NR2F1-AS1: variants seen among roughly 807,000 people sequenced by gnomAD.
NR2F1-AS1 encodes the protein NR2F1 regulatory antisense RNA 1, also known as NR2F1 antisense RNA 1.
chr5:93,516,183 C>A (rs1336785885), intron 4 of NR2F1-AS1, among the ~76,000 whole-genome samples: 1 of 151,866 alleles, frequency 6.6e-6, no homozygotes, highest in East Asian at 1.9e-4. Context: ...CACACAAACA[C>A]ACTTACAGAG....
At position 93,534,667 on chromosome 5, in the gene NR2F1-AS1, G is replaced by A. The variant is rs7703672; in HGVS notation, n.638+19094C>T. On this transcript the variant is annotated intron_variant and non_coding_transcript_variant, in intron 4 of 5. Transcript: ENST00000660523. ...AAAAAAGAGGTAGGAAGGCCTATACGGAAGGCCTATACCCAAAGGATTATC... is the reference window on the plus strand; with the variant it reads ...AAAAAAGAGGTAGGAAGGCCTATACAGAAGGCCTATACCCAAAGGATTATC... Among the ~76,000 whole-genome samples, 364 of 152,156 alleles carry A rather than the reference G, an allele frequency of 2.4e-3. 1 individual carries two copies. Among genetic ancestry groups the A allele is most frequent in the African/African-American group, 8.3e-3 (344 of 41,508 alleles).
At chr5:93,530,580 C>T (rs1212616663) in intron 4 of NR2F1-AS1, among the ~76,000 whole-genome samples, 1 of 152,136 alleles carries the variant, frequency 6.6e-6, no homozygotes, top group Non-Finnish European at 1.5e-5. Flanking sequence ...AGTTGAGTGG[C>T]AAAGAGAAAC....
At chr5:93,499,977 C>T (rs1487681183) in intron 4 of NR2F1-AS1, among the ~76,000 whole-genome samples, 2 of 151,958 alleles carry the variant, frequency 1.3e-5, no homozygotes, top group African/African-American at 2.4e-5. Flanking sequence ...GAAGAAGCTG[C>T]GAAAGAAAGA....
chr5:93,456,602 A>C (rs1223103727), intron 4 of NR2F1-AS1, among the ~76,000 whole-genome samples: 1 of 152,164 alleles, frequency 6.6e-6, no homozygotes, highest in Non-Finnish European at 1.5e-5. Context: ...TTATTCTAAA[A>C]TTTAAATGAA....
At chr5:93,506,259 T>C (rs1004102132) in intron 4 of NR2F1-AS1, among the ~76,000 whole-genome samples, 2 of 152,172 alleles carry the variant, frequency 1.3e-5, no homozygotes, top group African/African-American at 2.4e-5. Flanking sequence ...GACCTTATTG[T>C]TCATATCACT....
intron 4 of NR2F1-AS1, among the ~76,000 whole-genome samples, chr5:93,455,899 T>C (rs1461559573): frequency 6.6e-6 from 1 of 150,574 alleles, no homozygotes; most frequent in Admixed American, 6.6e-5. Context: ...TCTGACAAAA[T>C]CCAACACCTA....
At chr5:93,439,004 G>A (rs1198006678) in intron 4 of NR2F1-AS1, among the ~76,000 whole-genome samples, 1 of 152,220 alleles carries the variant, frequency 6.6e-6, no homozygotes, top group African/African-American at 2.4e-5. Context: ...AAAGCATCAT[G>A]TTGTATACCT....
intron 4 of NR2F1-AS1, among the ~76,000 whole-genome samples, chr5:93,442,358 C>T (rs559129898): frequency 1.3e-5 from 2 of 152,146 alleles, no homozygotes; most frequent in Non-Finnish European, 2.9e-5. Context: ...TGTGCTTTTC[C>T]AATGGTCTTA....
chr5:93,415,771 A>G (rs151118990), intron 4 of NR2F1-AS1, among the ~76,000 whole-genome samples: 2,243 of 152,316 alleles, frequency 0.015, 58 homozygotes, highest in Non-Finnish European at 0.016. Context: ...CCTGATTTTT[A>G]TAACACGTTT....
chr5:93,450,604 T>C (rs780054970), intron 4 of NR2F1-AS1, among the ~76,000 whole-genome samples: 3 of 152,216 alleles, frequency 2.0e-5, no homozygotes, highest in Non-Finnish European at 2.9e-5. Context: ...TACAAAATTA[T>C]GTTCTGTGGA....
At chr5:93,501,190 C>A (rs1751070876) in intron 4 of NR2F1-AS1, among the ~76,000 whole-genome samples, 1 of 151,910 alleles carries the variant, frequency 6.6e-6, no homozygotes, top group South Asian at 2.1e-4. Flanking sequence ...AGCAAAAGAA[C>A]TATAATTAGA....
At chr5:93,573,130 C>T (rs546203182) in intron 1 of NR2F1-AS1, among the ~76,000 whole-genome samples, 3 of 152,342 alleles carry the variant, frequency 2.0e-5, no homozygotes, top group East Asian at 3.9e-4. Flanking sequence ...TGCGTTTTTG[C>T]GCAGAGAAGT....
intron 2 of NR2F1-AS1, among the ~76,000 whole-genome samples, chr5:93,561,384 AAAT>A (rs1752483927): frequency 6.6e-6 from 1 of 152,244 alleles, no homozygotes. Context: ...TGAGTTATAA[AAAT>A]ATGTTCAATG....
intron 4 of NR2F1-AS1, among the ~76,000 whole-genome samples, chr5:93,447,097 A>T (rs1246383796): frequency 6.6e-6 from 1 of 152,138 alleles, no homozygotes; most frequent in Non-Finnish European, 1.5e-5. Flanking sequence ...AACCATAAAA[A>T]CCCTAGAAGA....
intron 4 of NR2F1-AS1, among the ~76,000 whole-genome samples, chr5:93,504,663 A>G (rs1751149927): frequency 6.6e-6 from 1 of 152,160 alleles, no homozygotes. Flanking sequence ...GGCAGCAGCA[A>G]GAGAAAATGA....
chr5:93,484,092 T>C (rs10063168), intron 4 of NR2F1-AS1, among the ~76,000 whole-genome samples: 1 of 152,012 alleles, frequency 6.6e-6, no homozygotes, highest in African/African-American at 2.4e-5. Context: ...ATTCAGGAAA[T>C]ACACAGAACA....
intron 4 of NR2F1-AS1, among the ~76,000 whole-genome samples, chr5:93,522,801 T>G (rs991703058): frequency 6.6e-6 from 1 of 152,022 alleles, no homozygotes; most frequent in Non-Finnish European, 1.5e-5. Flanking sequence ...TGAGGGACGG[T>G]GCATTCTGGC....
intron 4 of NR2F1-AS1, among the ~76,000 whole-genome samples, chr5:93,551,642 T>C (rs1250554586): frequency 6.6e-6 from 1 of 152,096 alleles, no homozygotes; most frequent in African/African-American, 2.4e-5. Flanking sequence ...GGCTCCTCCT[T>C]TGATTTACTC....
chr5:93,567,409 T>C (rs2149924473), intron 1 of NR2F1-AS1, among the ~76,000 whole-genome samples: 1 of 152,304 alleles, frequency 6.6e-6, no homozygotes, highest in South Asian at 2.1e-4. Flanking sequence ...TGTTTCAGTA[T>C]GCCAGTAAAA....
Sources: allele counts gnomAD v4.1 joint callset (sites outside exome capture counted in the v4.1 genomes callset), GRCh38; gene constraint gnomAD v4.1.1; transcripts MANE v1.5; gene names NCBI Gene and HGNC (gene_info 2026-07-23, HGNC 2026-07-21).